Variants in PLEKHG2 observed in about 807,000 individuals in gnomAD.
The protein encoded by PLEKHG2 is pleckstrin homology domain-containing family G member 2.
PLEKHG2 carries 71 observed loss-of-function variants against 104.4 expected under a neutral mutation model. That is an observed-to-expected ratio of 0.68 (90% CI 0.56 to 0.83). The LOEUF is 0.83. PLEKHG2 is among the 40% of genes least tolerant of loss of function. PLEKHG2 has a pLI of 0.00. For missense variants in PLEKHG2, 1,730 were observed against 1,809.4 expected, an observed-to-expected ratio of 0.96 and a Z score of 0.80; for synonymous variants, 728 against 737.0, an observed-to-expected ratio of 0.99 and a Z score of 0.20.
chr19:39,417,075 G>C, intron 7 of PLEKHG2, 75 bp downstream of exon 7: 2 of 1,476,604 alleles, frequency 1.4e-6, no homozygotes, highest in Non-Finnish European at 1.8e-6. Flanking sequence ...TTCATCTGGA[G>C]GATGGACCCC....
At position 39,422,717 on chromosome 19, in the gene PLEKHG2, C is replaced by T. The variant is rs2146011659; in HGVS notation, c.1678-15C>T. The T allele has an allele frequency of 6.6e-7, 1 of 1,515,350 alleles. No individual in the cohort carries two copies. Among genetic ancestry groups the T allele is most frequent in the Non-Finnish European group, 8.8e-7 (1 of 1,133,642 alleles). The allele number at this position is 1,515,350 out of a possible 1,614,324, so 93.9% of individuals were successfully genotyped here. A position where few individuals can be genotyped will look rare whatever the true frequency, so the allele number is the denominator to read the frequency against. On this transcript the variant is annotated splice_polypyrimidine_tract_variant and intron_variant, in intron 17 of 18. Coordinates refer to ENST00000425673, the MANE Select transcript of PLEKHG2 (RefSeq NM_022835.3). Reference sequence around the variant, plus strand: ...ATGCTGATATGTTTGGCTTGTTCTCCTGTGCCCACTATAGCCGTCCACCCA... The same window carrying T: ...ATGCTGATATGTTTGGCTTGTTCTCTTGTGCCCACTATAGCCGTCCACCCA...
Position 39,425,546 on chromosome 19 carries a change from T to A in PLEKHG2, c.*252T>A. On this transcript the variant is annotated 3_prime_UTR_variant, in exon 19 of 19. Transcript: ENST00000425673. ...GTGTATTTTCCCATTCTGGAGGCTG[T>A]GGGAGATGACAAGACAATGAATGGG... is the stretch of plus-strand genomic sequence containing the variant. The A allele has an allele frequency of 1.8e-6, 1 of 556,934 alleles. No individual in the cohort carries two copies. The highest frequency in any genetic ancestry group is 2.9e-6 in the Non-Finnish European group (1 of 347,858). 34.5% of individuals were successfully genotyped at this position (556,934 alleles called of 1,614,324 possible).
chr19:39,419,997 G>A (rs995866314), intron 11 of PLEKHG2, among the ~76,000 whole-genome samples: 3 of 152,210 alleles, frequency 2.0e-5, no homozygotes, highest in Admixed American at 6.5e-5. Context: ...AACTTGCGGT[G>A]AGCCGAGATC....
In PLEKHG2 at chr19:39,413,760, T is replaced by C; in HGVS notation, c.-22-305T>C. The stretch of plus-strand genomic sequence containing the variant: ...CTTTTCCCAGCCCTGCCCCTCGCCC[T>C]CCGCTCCAGCTGGAGCCCAAACGTT... On this transcript the variant is annotated intron_variant, in intron 1 of 18. Transcript: ENST00000425673. This position sits in a 1 kb window ranked among gnomAD's most constrained non-coding sequence, Gnocchi z 4.5. 1 of 179,212 alleles carries C rather than the reference T, an allele frequency of 5.6e-6. No homozygotes were observed. The highest frequency in any genetic ancestry group is 1.0e-4 in the South Asian group (1 of 9,806). The allele number at this position is 179,212 out of a possible 1,614,324, so 11.1% of individuals were successfully genotyped here.
At chr19:39,420,884 T>G (rs1324047800) in intron 13 of PLEKHG2, 32 bp downstream of exon 13, 1 of 1,613,948 alleles carries the variant, frequency 6.2e-7, no homozygotes, top group South Asian at 1.1e-5. Flanking sequence ...GTCCCAGCCC[T>G]CAGCCCCACT....
chr19:39,422,995 C>T lies in PLEKHG2; in HGVS notation c.1941C>T (p.Arg647=), dbSNP rs2078724022. The T allele has an allele frequency of 6.2e-7, 1 of 1,614,226 alleles. No individual in the cohort carries two copies. Among genetic ancestry groups the T allele is most frequent in the African/African-American group, 1.3e-5 (1 of 75,066 alleles). ...DVPNLPEIPS[R]CEIPEGSRLP... is the part of the protein sequence containing the mutation. ...CCAACCTTCCTGAAATTCCCAGCCGCTGTGAAATTCCCGAAGGTTCTCGCC... is the reference window on the plus strand; with the variant it reads ...CCAACCTTCCTGAAATTCCCAGCCGTTGTGAAATTCCCGAAGGTTCTCGCC... Residue 647 remains arginine, a synonymous_variant, in exon 18 of 19, where the codon CGC becomes CGT. Transcript: ENST00000425673.
In PLEKHG2 at chr19:39,414,465, G is replaced by A. The variant is rs115503454; in HGVS notation, c.109+270G>A. On this transcript the variant is annotated intron_variant, in intron 2 of 18. Transcript: ENST00000425673. ...TCTCAACTGGGAAGTGGAAGATTAGGGGGAAGGAGTTGCGCAAAGACAAGG... is the reference window on the plus strand; with the variant it reads ...TCTCAACTGGGAAGTGGAAGATTAGAGGGAAGGAGTTGCGCAAAGACAAGG... Among the ~76,000 whole-genome samples, 546 of 152,318 alleles carry A rather than the reference G, an allele frequency of 3.6e-3. 4 individuals are homozygous for A. The highest frequency in any genetic ancestry group is 0.012 in the African/African-American group (517 of 41,550).
rs919270891 is a variant in PLEKHG2, at chr19:39,427,631, A to G, written c.*2337A>G. On this transcript the variant is annotated 3_prime_UTR_variant, in exon 19 of 19. Coordinates refer to ENST00000425673, the MANE Select transcript of PLEKHG2 (RefSeq NM_022835.3). ...AGGCGTGAGCTACCATACCCTGCCCAGGAATCTGAATTTTTAGCAATCAGT... is the reference window on the plus strand; with the variant it reads ...AGGCGTGAGCTACCATACCCTGCCCGGGAATCTGAATTTTTAGCAATCAGT... 3.3e-5 allele frequency: 5 copies of G among 152,178 alleles called. No homozygotes were observed. Among genetic ancestry groups the G allele is most frequent in the Admixed American group, 2.6e-4 (4 of 15,276 alleles). 9.4% of individuals were successfully genotyped at this position (152,178 alleles called of 1,614,324 possible). A position where few individuals can be genotyped will look rare whatever the true frequency, so the allele number is the denominator to read the frequency against.
Position 39,416,320 on chromosome 19 carries a change from G to T in PLEKHG2, c.480-28G>T, listed in dbSNP as rs2078602342. The stretch of plus-strand genomic sequence containing the variant: ...CATGGAGGGGTCGTGAAGGCAGGCG[G>T]TTCCTCACCCTCCCCTCTCCCCTGT... On this transcript the variant is annotated intron_variant, in intron 4 of 18. Transcript: ENST00000425673. This position sits in a 1 kb window ranked among gnomAD's most constrained non-coding sequence, Gnocchi z 4.5. 1.2e-6 allele frequency: 2 copies of T among 1,611,090 alleles called. No individual in the cohort carries two copies. Among genetic ancestry groups the T allele is most frequent in the Non-Finnish European group, 1.7e-6 (2 of 1,178,996 alleles).
Position 39,416,917 on chromosome 19 carries a change from G to A in PLEKHG2, c.661G>A (p.Ala221Thr). ...AGCCCTGTGGCTGCAGGAGCGCCAG[G>A]CCCAGCTTCGCCACTCGCTGCCCCT... ...PAALWLQERQ[A>T]QLRHSLPLQS... The change falls in exon 7 of 19, where the codon GCC becomes ACC. Residue 221 changes from alanine to threonine, a missense_variant. Ala to Thr is a moderately conservative substitution (Grantham distance 58). Coordinates refer to ENST00000425673, the MANE Select transcript of PLEKHG2 (RefSeq NM_022835.3). This position sits in a 1 kb window ranked among gnomAD's most constrained non-coding sequence, Gnocchi z 4.5. The A allele has an allele frequency of 6.2e-7, 1 of 1,613,182 alleles. No individual in the cohort carries two copies. The highest frequency in any genetic ancestry group is 2.2e-5 in the East Asian group (1 of 44,878).
At position 39,415,071 on chromosome 19, in the gene PLEKHG2, T is replaced by C; in HGVS notation, c.189T>C (p.Asp63=). The change falls in exon 3 of 19, where the codon GAT becomes GAC. Residue 63 remains aspartate, a synonymous_variant. Coordinates refer to ENST00000425673, the MANE Select transcript of PLEKHG2 (RefSeq NM_022835.3). The surrounding 1 kb of genome is among the most constrained non-coding windows in gnomAD (Gnocchi z 4.6). ...TGAGCACAGTGGGCTCTGAGGGGGA[T>C]CCAGCCCCTGGGCCCACTCCAGCCT... ...TSLSTVGSEG[D]PAPGPTPACS... The C allele has an allele frequency of 2.5e-6, 4 of 1,591,244 alleles. No homozygotes were observed. In the Admixed American group the frequency reaches 5.2e-5, roughly 21 times the overall value.
chr19:39,418,725 T>A lies in PLEKHG2; in HGVS notation c.1084-9T>A, dbSNP rs1600653737. The A allele has an allele frequency of 9.9e-6, 16 of 1,609,048 alleles. No individual in the cohort carries two copies. The highest frequency in any genetic ancestry group is 1.3e-5 in the Non-Finnish European group (15 of 1,176,420). On this transcript the variant is annotated splice_polypyrimidine_tract_variant and intron_variant, in intron 9 of 18. Transcript: ENST00000425673. ...ACTCTGAGCTTGCTACCCCTCTCTTTCCTTCCAGTGCTGCAACCTGAGCGT... is the reference window on the plus strand; with the variant it reads ...ACTCTGAGCTTGCTACCCCTCTCTTACCTTCCAGTGCTGCAACCTGAGCGT...
chr19:39,424,513 C>T lies in PLEKHG2; in HGVS notation c.3380C>T (p.Ala1127Val), dbSNP rs1485353795. The T allele has an allele frequency of 3.1e-6, 5 of 1,614,026 alleles. No homozygotes were observed. Among genetic ancestry groups the T allele is most frequent in the African/African-American group, 2.7e-5 (2 of 74,896 alleles). The change falls in exon 19 of 19, where the codon GCC becomes GTC. Residue 1127 changes from alanine to valine, a missense_variant. Ala to Val is a moderately conservative substitution (Grantham distance 64). Coordinates refer to ENST00000425673, the MANE Select transcript of PLEKHG2 (RefSeq NM_022835.3). The part of the protein sequence containing the change: ...SHLDHRIPAN[A>V]PLSLSQELPD... ...CTGGACCATCGGATCCCAGCCAACG[C>T]CCCACTGTCTTTGTCCCAGGAGCTC... is the stretch of plus-strand genomic sequence containing the variant.
In PLEKHG2 at chr19:39,414,166, A is replaced by T. The variant is rs2078564204; in HGVS notation, c.80A>T (p.Asp27Val). The change falls in exon 2 of 19, where the codon GAC (aspartate) becomes GTC (valine). Residue 27 changes from aspartate (D) to valine (V), a missense_variant. Coordinates refer to ENST00000425673, the MANE Select transcript of PLEKHG2 (RefSeq NM_022835.3). ...TGTGGCCGAAGAGGTGAAGTGTGTG[A>T]CTGTGGCACCGTGTGTGAGACTCGG... ...LGCGRRGEVC[D>V]CGTVCETRTA... 1.3e-6 allele frequency: 2 copies of T among 1,551,370 alleles called. No individual in the cohort carries two copies.
Position 39,413,888 on chromosome 19 carries a change from C to A in PLEKHG2, c.-22-177C>A. The A allele has an allele frequency of 2.0e-6, 1 of 489,480 alleles. No homozygotes were observed. The highest frequency in any genetic ancestry group is 2.5e-5 in the South Asian group (1 of 40,552). The allele number at this position is 489,480 out of a possible 1,614,324, so 30.3% of individuals were successfully genotyped here. A position where few individuals can be genotyped will look rare whatever the true frequency, so the allele number is the denominator to read the frequency against. On this transcript the variant is annotated intron_variant, in intron 1 of 18. Transcript: ENST00000425673. The surrounding 1 kb of genome is among the most constrained non-coding windows in gnomAD (Gnocchi z 4.5). ...TGTCTCAGCCTTTCCATCTTTTTCG[C>A]CAGGTTCTCTCTCCTTGTCCCCTTC...
In PLEKHG2 at chr19:39,423,356, C is replaced by G; in HGVS notation, c.2302C>G (p.Arg768Gly). ...GGCATTCCGCTCTTGCTCAGAAATC[C>G]GGAGCGCCTGGCAGGCATTGGAACA... ...ELAFRSCSEI[R>G]SAWQALEQGQ... The change falls in exon 18 of 19, where the codon CGG (arginine) becomes GGG (glycine). Residue 768 changes from arginine (R) to glycine (G), a missense_variant. Physicochemically the swap from Arg to Gly is moderately radical, Grantham distance 125. Coordinates refer to ENST00000425673, the MANE Select transcript of PLEKHG2 (RefSeq NM_022835.3). 6.2e-7 allele frequency: 1 copy of G among 1,613,618 alleles called. No individual in the cohort carries two copies. Among genetic ancestry groups the G allele is most frequent in the South Asian group, 1.1e-5 (1 of 91,038 alleles).
chr19:39,421,092 T>C lies in PLEKHG2; in HGVS notation c.1465T>C (p.Tyr489His). Reference protein sequence around the residue: ...RRQSEPVKDPYVMFPQNAKPG... With the variant: ...RRQSEPVKDPHVMFPQNAKPG... Reference sequence around the variant, plus strand: ...CCCCGCAGAGCCGGTGAAGGACCCTTATGTCATGTTCCCACAGAACGGTCA... The same window carrying C: ...CCCCGCAGAGCCGGTGAAGGACCCTCATGTCATGTTCCCACAGAACGGTCA... The change falls in exon 15 of 19, where the codon TAT becomes CAT. Residue 489 changes from tyrosine (Y) to histidine (H), a missense_variant. By Grantham distance (83) the Tyr-to-His change is moderately conservative (BLOSUM62 2). Coordinates refer to ENST00000425673, the MANE Select transcript of PLEKHG2 (RefSeq NM_022835.3). The C allele has an allele frequency of 1.9e-6, 3 of 1,614,062 alleles. No individual in the cohort carries two copies. Among genetic ancestry groups the C allele is most frequent in the Middle Eastern group, 1.7e-4 (1 of 5,974 alleles).
In PLEKHG2 at chr19:39,424,540, C is replaced by T; in HGVS notation, c.3407C>T (p.Pro1136Leu). The change falls in exon 19 of 19, where the codon CCA becomes CTA. Residue 1136 changes from proline to leucine, a missense_variant. Coordinates refer to ENST00000425673, the MANE Select transcript of PLEKHG2 (RefSeq NM_022835.3). Reference sequence around the variant, plus strand: ...CCACTGTCTTTGTCCCAGGAGCTCCCAGACACTCAGGTTCCAGCTACCACA... The same window carrying T: ...CCACTGTCTTTGTCCCAGGAGCTCCTAGACACTCAGGTTCCAGCTACCACA... The part of the protein sequence containing the change: ...NAPLSLSQEL[P>L]DTQVPATTPL... 6.2e-7 allele frequency: 1 copy of T among 1,614,116 alleles called. No individual in the cohort carries two copies. Among genetic ancestry groups the T allele is most frequent in the South Asian group, 1.1e-5 (1 of 91,080 alleles).
In PLEKHG2 at chr19:39,412,703, G is replaced by A. The variant is rs1446217166; in HGVS notation, c.-732G>A. Reference sequence around the variant, plus strand: ...GCCGCCGCCGTCACACGAGCCCCGTGACACCCAGCCGGGAGCCCGAGGGGT... The same window carrying A: ...GCCGCCGCCGTCACACGAGCCCCGTAACACCCAGCCGGGAGCCCGAGGGGT... On this transcript the variant is annotated 5_prime_UTR_variant, in exon 1 of 19. Transcript: ENST00000425673. The A allele has an allele frequency of 6.6e-6, 1 of 152,246 alleles. No individual in the cohort carries two copies. The highest frequency in any genetic ancestry group is 1.5e-5 in the Non-Finnish European group (1 of 68,052). 9.4% of individuals were successfully genotyped at this position (152,246 alleles called of 1,614,324 possible). A position where few individuals can be genotyped will look rare whatever the true frequency, so the allele number is the denominator to read the frequency against.
Sources: allele counts gnomAD v4.1 joint callset (sites outside exome capture counted in the v4.1 genomes callset), GRCh38; gene constraint gnomAD v4.1.1; non-coding constraint Gnocchi (gnomAD v3.1); transcripts MANE v1.5; gene names NCBI Gene and HGNC (gene_info 2026-07-23, HGNC 2026-07-21).